SMYD2: variants seen among roughly 807,000 people sequenced by gnomAD.
SMYD2 encodes SET and MYND domain containing 2.
A neutral mutation model predicts 59.1 loss-of-function variants in SMYD2; 53 were observed. The ratio of observed to expected loss-of-function variants is 0.90; its 90% CI spans 0.72 to 1.13. SMYD2 has a LOEUF of 1.13. Among genes scored for constraint, SMYD2 ranks in the 50% most tolerant of loss-of-function variants. The pLI, the probability that SMYD2 is intolerant of heterozygous loss-of-function variation, is 0.00. For synonymous variants in SMYD2, 208 were observed against 198.8 expected, an observed-to-expected ratio of 1.05 and a Z score of -0.39; for missense variants, 494 against 544.7, an observed-to-expected ratio of 0.91 and a Z score of 0.93.
At chr1:214,299,946 A>G (rs1056023423) in intron 1 of SMYD2, among the ~76,000 whole-genome samples, 11 of 152,126 alleles carry the variant, frequency 7.2e-5, no homozygotes, top group African/African-American at 2.7e-4. Flanking sequence ...TTGGGTATTC[A>G]TGGATGTAAA....
chr1:214,332,153 G>C lies in SMYD2; in HGVS notation c.1073G>C (p.Gly358Ala). The C allele has an allele frequency of 1.9e-6, 3 of 1,614,214 alleles. No individual in the cohort carries two copies. The highest frequency in any genetic ancestry group is 2.5e-6 in the Non-Finnish European group (3 of 1,180,032). ...TGCTTGTACATGCAGGACTGGGAAG[G>C]AGCCCTGCAATATGGACAGAAAATC... ...GVCLYMQDWE[G>A]ALQYGQKIIK... Residue 358 changes from glycine (G) to alanine (A), a missense_variant, in exon 10 of 12, where the codon GGA (glycine) becomes GCA (alanine). Physicochemically the swap from Gly to Ala is moderately conservative, Grantham distance 60. Transcript: ENST00000366957.
intron 2 of SMYD2, among the ~76,000 whole-genome samples, chr1:214,309,152 C>G (rs1656960520): frequency 6.6e-6 from 1 of 152,198 alleles, no homozygotes; most frequent in Non-Finnish European, 1.5e-5. Context: ...TTGGTTCTAT[C>G]TTGTCCCGTT....
chr1:214,313,094 A>G (rs1387764117), intron 2 of SMYD2, among the ~76,000 whole-genome samples: 1 of 152,054 alleles, frequency 6.6e-6, no homozygotes, highest in African/African-American at 2.4e-5. Context: ...AGCGTCAAGG[A>G]TGACTCTAGC....
intron 1 of SMYD2, among the ~76,000 whole-genome samples, chr1:214,296,186 C>T (rs919593922): frequency 5.9e-5 from 9 of 152,204 alleles, no homozygotes; most frequent in African/African-American, 2.2e-4. Flanking sequence ...ACAGCACCTG[C>T]GGCAACGCAT....
chr1:214,331,003 CA>C lies in SMYD2; in HGVS notation c.871del (p.Ile291SerfsTer38). On this transcript the variant is annotated frameshift_variant, in exon 9 of 12. Coordinates refer to ENST00000366957, the MANE Select transcript of SMYD2 (RefSeq NM_020197.3). LOFTEE classifies it high-confidence loss of function. ...KLSDPPKAEA[I>X]RDMVRYARNV... ...TCAGCGATCCCCCAAAGGCAGAAGC[CA>C]TCCGAGACATGGTCAGATATGCACG... The C allele has an allele frequency of 6.2e-7, 1 of 1,614,220 alleles. No individual in the cohort carries two copies. Among genetic ancestry groups the C allele is most frequent in the Non-Finnish European group, 8.5e-7 (1 of 1,180,046 alleles).
At chr1:214,324,157 G>A (rs962406148) in intron 5 of SMYD2, among the ~76,000 whole-genome samples, 2 of 152,092 alleles carry the variant, frequency 1.3e-5, no homozygotes, top group East Asian at 3.9e-4. Context: ...GGCTGGTTTC[G>A]AACTCCCGAC....
intron 1 of SMYD2, among the ~76,000 whole-genome samples, chr1:214,298,816 C>T (rs1475462133): frequency 6.6e-6 from 1 of 152,178 alleles, no homozygotes; most frequent in Non-Finnish European, 1.5e-5. Flanking sequence ...CGATGAGAAA[C>T]CATCTCACAT....
chr1:214,323,834 T>TGA (rs1657210935), intron 5 of SMYD2, among the ~76,000 whole-genome samples: 1 of 152,196 alleles, frequency 6.6e-6, no homozygotes. Flanking sequence ...AAGCCCTCAA[T>TGA]CCCTCTGCCT....
intron 3 of SMYD2, among the ~76,000 whole-genome samples, chr1:214,317,170 G>A (rs946993704): frequency 2.0e-5 from 3 of 152,040 alleles, no homozygotes; most frequent in Admixed American, 1.3e-4. Context: ...GAAATATTTC[G>A]GCACCAGGAG....
rs1657054437 is a variant in SMYD2 at position 214,314,797 on chromosome 1, T to C, written c.273T>C (p.Ser91=). 1 of 1,614,066 alleles carries C rather than the reference T, an allele frequency of 6.2e-7. No homozygotes were observed. Among genetic ancestry groups the C allele is most frequent in the African/African-American group, 1.3e-5 (1 of 74,940 alleles). Residue 91 remains serine (S), a synonymous_variant, in exon 3 of 12, where the codon TCT becomes TCC. Transcript: ENST00000366957. ...EDWPMHKLEC[S]PMVVFGENWN... is the part of the protein sequence containing the mutation. The stretch of plus-strand genomic sequence containing the variant: ...GGCCCATGCACAAGCTGGAATGTTC[T>C]CCCATGGTTGTTTTTGGGGAAAACT...
At chr1:214,295,058 T>C (rs1450173363) in intron 1 of SMYD2, among the ~76,000 whole-genome samples, 1 of 152,238 alleles carries the variant, frequency 6.6e-6, no homozygotes, top group East Asian at 1.9e-4. Flanking sequence ...TATTATTTTA[T>C]TGTCAGTTCC....
chr1:214,295,152 T>TA (rs200474316), intron 1 of SMYD2, among the ~76,000 whole-genome samples: 5,724 of 152,272 alleles, frequency 0.038, 147 homozygotes, highest in Middle Eastern at 0.054. Flanking sequence ...GAAGTAAAGA[T>TA]AAAAGTAGCA....
chr1:214,288,706 GTTT>G lies in SMYD2; in HGVS notation c.173+7282_173+7284del, dbSNP rs1171185319. On this transcript the variant is annotated intron_variant, in intron 1 of 11. Coordinates refer to ENST00000366957, the MANE Select transcript of SMYD2 (RefSeq NM_020197.3). The stretch of plus-strand genomic sequence containing the variant: ...ATGCTGATATGGACTTAAACATGTT[GTTT>G]TTATTATAATGCTTTGAAATTTGCA... Among the ~76,000 whole-genome samples the G allele has an allele frequency of 7.2e-5, 11 of 152,196 alleles. No homozygotes were observed. The South Asian group carries it at 2.3e-3, about 32-fold the overall frequency.
chr1:214,314,715 C>A, intron 2 of SMYD2, 47 bp from the exon 3 acceptor site: 1 of 1,413,280 alleles, frequency 7.1e-7, no homozygotes, highest in Non-Finnish European at 1.0e-6. Context: ...ACACTTTATT[C>A]CAGTGTATGT....
chr1:214,311,832 C>T (rs528084298), intron 2 of SMYD2, among the ~76,000 whole-genome samples: 24 of 152,286 alleles, frequency 1.6e-4, no homozygotes, highest in Non-Finnish European at 2.5e-4. Context: ...CTTGCAGGCC[C>T]GTTAGGGACA....
chr1:214,315,677 G>T (rs923029346), intron 3 of SMYD2, among the ~76,000 whole-genome samples: 11 of 152,156 alleles, frequency 7.2e-5, no homozygotes, highest in African/African-American at 2.7e-4. Flanking sequence ...AAGACAAGAT[G>T]GTGGATCCCT....
At position 214,332,169 on chromosome 1, in the gene SMYD2, A is replaced by G. The variant is rs559965377; in HGVS notation, c.1089A>G (p.Gly363=). 6.2e-7 allele frequency: 1 copy of G among 1,614,136 alleles called. No homozygotes were observed. The highest frequency in any genetic ancestry group is 8.5e-7 in the Non-Finnish European group (1 of 1,180,024). ...ACTGGGAAGGAGCCCTGCAATATGG[A>G]CAGAAAATCATTAAGCCCTACAGGT... ...MQDWEGALQY[G]QKIIKPYSKH... Residue 363 remains glycine, a synonymous_variant, in exon 10 of 12, where the codon GGA becomes GGG. Transcript: ENST00000366957.
chr1:214,285,174 T>G (rs1441963121), intron 1 of SMYD2, among the ~76,000 whole-genome samples: 3 of 132,096 alleles, frequency 2.3e-5, no homozygotes, highest in African/African-American at 9.9e-5. Context: ...GTGTCCTATT[T>G]CAGCAGTTAT....
At chr1:214,321,432 G>C (rs1032036366) in intron 5 of SMYD2, among the ~76,000 whole-genome samples, 7 of 152,164 alleles carry the variant, frequency 4.6e-5, no homozygotes, top group African/African-American at 1.7e-4. Flanking sequence ...ATGTAAATTT[G>C]AAAGGGGACA....
Sources: allele counts gnomAD v4.1 joint callset (sites outside exome capture counted in the v4.1 genomes callset), GRCh38; gene constraint gnomAD v4.1.1; transcripts MANE v1.5; gene names NCBI Gene and HGNC (gene_info 2026-07-23, HGNC 2026-07-21).